The following ARSD variants were observed in gnomAD, a reference collection of about 807,000 sequenced individuals.
ARSD encodes the protein testis tissue sperm-binding protein Li 39a.
ARSD carries 21 observed loss-of-function variants against 32.6 expected under a neutral mutation model. The observed-to-expected ratio is 0.64, with a 90% CI of 0.46 to 0.93. ARSD has a LOEUF of 0.93. Among genes scored for constraint, ARSD ranks in the 40% least tolerant of loss-of-function variants. ARSD has a pLI of 0.00. For missense variants in ARSD, 454 were observed against 520.9 expected (o/e 0.87, Z 1.25); for synonymous variants, 224 against 237.4 (o/e 0.94, Z 0.52).
chrX:2,913,522 C>T (rs1223020756), intron 6 of ARSD: 7 of 973,886 alleles, frequency 7.2e-6, no homozygotes, highest in Non-Finnish European at 9.3e-6. Flanking sequence ...CAATCCCGCC[C>T]TATCACTATG....
At chrX:2,912,735 T>G in intron 6 of ARSD, among the ~76,000 whole-genome samples, 1 of 111,488 alleles carries the variant, frequency 9.0e-6, no homozygotes, top group Non-Finnish European at 1.9e-5. Context: ...GACTCAGTGA[T>G]GACAGAACCC....
At chrX:2,924,064 G>C (rs1231168848) in intron 2 of ARSD, among the ~76,000 whole-genome samples, 3 of 112,436 alleles carry the variant, frequency 2.7e-5, no homozygotes, top group Admixed American at 9.4e-5. Flanking sequence ...ACAGGGTCTT[G>C]CTCTGTGGCC....
At chrX:2,908,043 G>T in intron 9 of ARSD, 1 of 603,378 alleles carries the variant, frequency 1.7e-6, no homozygotes, top group Non-Finnish European at 2.0e-6. Flanking sequence ...TCTATCTATC[G>T]CTACCTATTT....
chrX:2,912,454 G>A (rs1196175412), intron 6 of ARSD, among the ~76,000 whole-genome samples: 2 of 111,371 alleles, frequency 1.8e-5, no homozygotes, highest in Admixed American at 9.6e-5. Flanking sequence ...AATGTATAAA[G>A]CTGAGCTGCA....
rs2088853200 is a variant in ARSD, at chrX:2,906,529, G to C, written c.*742C>G. 1 of 111,839 alleles carries C rather than the reference G, an allele frequency of 8.9e-6. No homozygotes were observed. 9.2% of individuals were successfully genotyped at this position (111,839 alleles called of 1,213,427 possible). On this transcript the variant is annotated 3_prime_UTR_variant, in exon 10 of 10. Transcript: ENST00000381154. ...AATATCAGGAAGACACATGGACAGA[G>C]ACCCTAATGTATGAAAAATGCATCA... is the stretch of plus-strand genomic sequence containing the variant.
At chrX:2,914,479 A>C (rs1303860384) in intron 6 of ARSD, 6 of 825,047 alleles carry the variant, frequency 7.3e-6, no homozygotes, top group Non-Finnish European at 9.0e-6. Flanking sequence ...GTCTCAAGCC[A>C]TCTCCCTGCC....
chrX:2,914,969 G>A (rs1055117792), intron 6 of ARSD, among the ~76,000 whole-genome samples: 1 of 111,157 alleles, frequency 9.0e-6, no homozygotes, highest in Non-Finnish European at 1.9e-5. Context: ...TGACTTCCCA[G>A]GCTCAAGCGA....
At chrX:2,918,274 C>T in intron 4 of ARSD, 47 bp from the exon 5 acceptor site, 1 of 1,068,324 alleles carries the variant, frequency 9.4e-7, no homozygotes, top group Non-Finnish European at 1.2e-6. Context: ...TGAAGCAGCC[C>T]TGTCTGCTGC....
At position 2,909,834 on chromosome X, in the gene ARSD, G is replaced by A. The variant is rs765066872; in HGVS notation, c.1281C>T (p.Gly427=). 5.5e-5 allele frequency: 66 copies of A among 1,206,929 alleles called. No homozygotes were observed. Among genetic ancestry groups the A allele is most frequent in the Non-Finnish European group, 6.9e-5 (62 of 893,139 alleles). ...VFPTVVQLVG[G]EVPQDRVIDG... Reference sequence around the variant, plus strand: ...CCACGTACCTGTCCTGGGGCACCTCGCCACCCACCAGCTGGACCACAGTAG... The same window carrying A: ...CCACGTACCTGTCCTGGGGCACCTCACCACCCACCAGCTGGACCACAGTAG... Residue 427 remains glycine, a synonymous_variant, in exon 8 of 10, where the codon GGC becomes GGT. Transcript: ENST00000381154.
At chrX:2,910,897 A>G (rs1355518833) in intron 6 of ARSD, 104 bp from the exon 7 acceptor site, 4 of 962,296 alleles carry the variant, frequency 4.2e-6, no homozygotes, top group African/African-American at 3.9e-5. Context: ...CCAGGAAGTC[A>G]TAAGAAGAGA....
Position 2,907,500 on chromosome X carries a change from T to A in ARSD, c.1553A>T (p.Asp518Val), listed in dbSNP as rs1227870181. The A allele has an allele frequency of 8.3e-7, 1 of 1,201,900 alleles. No individual in the cohort carries two copies. Among genetic ancestry groups the A allele is most frequent in the Non-Finnish European group, 1.1e-6 (1 of 891,019 alleles). Residue 518 changes from aspartate to valine, a missense_variant, in exon 10 of 10, where the codon GAC becomes GTC. This residue lies in a region of ARSD where 179 missense variants were observed against 198.5 expected (regional missense o/e 0.90). Transcript: ENST00000381154. ...TGCCTCGGAGGGGTCCCTGGAGAGG[T>A]CAAAGAGCAAAGGGGGTCTGTGATG... ...VTHHRPPLLF[D>V]LSRDPSEARP...
intron 7 of ARSD, 149 bp from the exon 8 acceptor site, chrX:2,910,128 C>T: frequency 1.4e-6 from 1 of 735,393 alleles, no homozygotes; most frequent in East Asian, 3.7e-5. Context: ...CCAAAAACAG[C>T]CACAGCAATA....
chrX:2,920,157 A>G (rs1468908926), intron 4 of ARSD, among the ~76,000 whole-genome samples: 1 of 110,697 alleles, frequency 9.0e-6, no homozygotes, highest in African/African-American at 3.3e-5. Flanking sequence ...AGAGAAGGAT[A>G]ATGTCTGAAG....
chrX:2,907,325 G>A lies in ARSD; in HGVS notation c.1728C>T (p.Cys576=). 8.3e-7 allele frequency: 1 copy of A among 1,211,991 alleles called. No individual in the cohort carries two copies. Among genetic ancestry groups the A allele is most frequent in the Non-Finnish European group, 1.1e-6 (1 of 895,520 alleles). The part of the protein sequence containing the change: ...NILWKPWLQP[C]CGHFPFCSCH... ...ATGAACAGAACGGGAAATGTCCGCA[G>A]CACGGCTGCAGCCACGGCTTCCACA... Residue 576 remains cysteine, a synonymous_variant, in exon 10 of 10, where the codon TGC becomes TGT. Coordinates refer to ENST00000381154, the MANE Select transcript of ARSD (RefSeq NM_001669.4).
intron 3 of ARSD, among the ~76,000 whole-genome samples, chrX:2,921,123 C>T (rs1040656300): frequency 9.0e-6 from 1 of 110,916 alleles, no homozygotes; most frequent in African/African-American, 3.3e-5. Context: ...CCCCAAATGT[C>T]CCTCATGCCA....
At position 2,915,535 on chromosome X, in the gene ARSD, C is replaced by T. The variant is rs772284169; in HGVS notation, c.1000+21G>A. The T allele has an allele frequency of 7.4e-6, 9 of 1,208,235 alleles. No individual in the cohort carries two copies. In the African/African-American group the frequency reaches 1.6e-4, roughly 21 times the overall value. ...ACCTGAGGCCGAGGGTGGAGTGAGG[C>T]TCCATGGTACCTTGACTTACCTATG... On this transcript the variant is annotated intron_variant, in intron 6 of 9. Coordinates refer to ENST00000381154, the MANE Select transcript of ARSD (RefSeq NM_001669.4).
At chrX:2,917,335 A>G (rs1284917763) in intron 5 of ARSD, among the ~76,000 whole-genome samples, 3 of 111,442 alleles carry the variant, frequency 2.7e-5, no homozygotes, top group Non-Finnish European at 5.7e-5. Flanking sequence ...CGAGACTCTC[A>G]TATGGGAAAC....
intron 1 of ARSD, 48 bp downstream of exon 1, chrX:2,929,184 C>A: frequency 3.0e-6 from 3 of 1,012,436 alleles, no homozygotes; most frequent in Non-Finnish European, 1.2e-6. Context: ...CCTCCCCAGG[C>A]CCCCACCCTA....
rs201310431 is a variant in ARSD, at chrX:2,907,259, C to G, written c.*12G>C. ...TCAGGCTCTCCTGGATCCTCTCTCACAGTCCTGGCATTCAGGGGGTGCCAT... is the reference window on the plus strand; with the variant it reads ...TCAGGCTCTCCTGGATCCTCTCTCAGAGTCCTGGCATTCAGGGGGTGCCAT... On this transcript the variant is annotated 3_prime_UTR_variant, in exon 10 of 10. Coordinates refer to ENST00000381154, the MANE Select transcript of ARSD (RefSeq NM_001669.4). The G allele has an allele frequency of 3.8e-5, 45 of 1,192,746 alleles. No individual in the cohort carries two copies. In the Admixed American group the frequency reaches 6.9e-4, roughly 18 times the overall value.
Sources: gnomAD v4.1 joint callset for allele counts (sites outside exome capture counted in the v4.1 genomes callset) on GRCh38, gnomAD v4.1.1 for gene constraint, gnomAD v4.1.1 regional missense constraint, MANE v1.5 for transcripts, NCBI Gene and HGNC (gene_info 2026-07-23, HGNC 2026-07-21) for gene names.